The following CEP170 variants were observed in gnomAD, a reference collection of about 807,000 sequenced individuals.
CEP170 encodes the protein centrosomal protein of 170 kDa.
CEP170 carries 21 observed loss-of-function variants against 151.9 expected under a neutral mutation model. That is an observed-to-expected ratio of 0.14 (90% CI 0.10 to 0.20). CEP170 has a LOEUF of 0.20. CEP170 is among the 10% of genes least tolerant of loss of function. The pLI is 1.00. For missense variants in CEP170, 964 were observed against 1,892.9 expected (o/e 0.51, Z 9.11); for synonymous variants, 356 against 648.8 (o/e 0.55, Z 6.86).
At chr1:243,169,522 A>T in intron 12 of CEP170, 106 bp downstream of exon 12, 1 of 1,488,414 alleles carries the variant, frequency 6.7e-7, no homozygotes, top group Non-Finnish European at 9.0e-7. Context: ...TTATAATAAC[A>T]ACTGATATAT....
At position 243,186,042 on chromosome 1, in the gene CEP170, C is replaced by A; in HGVS notation, c.1303G>T (p.Gly435Cys). ...TSSAHHRGGH[G>C]VPHGKLLKQK... ...TTTAACAATTTCCCATGTGGAACACCATGCCCCCCTCTGTGATGCGCAGAG... is the reference window on the plus strand; with the variant it reads ...TTTAACAATTTCCCATGTGGAACACAATGCCCCCCTCTGTGATGCGCAGAG... Residue 435 changes from glycine (G) to cysteine (C), a missense_variant, in exon 10 of 20, where the codon GGT (glycine) becomes TGT (cysteine). Physicochemically the swap from Gly to Cys is radical, Grantham distance 159 (BLOSUM62 -3). Transcript: ENST00000366542. The A allele has an allele frequency of 6.2e-7, 1 of 1,613,724 alleles. No homozygotes were observed. Among genetic ancestry groups the A allele is most frequent in the South Asian group, 1.1e-5 (1 of 91,062 alleles).
intron 1 of CEP170, among the ~76,000 whole-genome samples, chr1:243,233,514 A>G (rs1016394810): frequency 3.9e-5 from 6 of 151,946 alleles, no homozygotes; most frequent in Non-Finnish European, 8.8e-5. Context: ...CGGGCAGATC[A>G]CGAGGTCAGG....
At chr1:243,254,220 A>C (rs1379184751) in intron 1 of CEP170, 1 of 143,964 alleles carries the variant, frequency 6.9e-6, no homozygotes, top group Admixed American at 6.9e-5. Flanking sequence ...ATAAATAAAT[A>C]AAACTCTACG....
intron 19 of CEP170, among the ~76,000 whole-genome samples, chr1:243,127,984 A>T (rs1385066534): frequency 3.9e-5 from 6 of 152,226 alleles, no homozygotes; most frequent in Admixed American, 2.6e-4. Context: ...TACATAAAAA[A>T]TTTCAATTAG....
chr1:243,131,004 T>A (rs555838527), intron 17 of CEP170, among the ~76,000 whole-genome samples: 1 of 152,276 alleles, frequency 6.6e-6, no homozygotes, highest in South Asian at 2.1e-4. Flanking sequence ...ACTTATACAA[T>A]AGAGAAAGAC....
At chr1:243,162,441 G>GT (rs2058140203) in intron 13 of CEP170, among the ~76,000 whole-genome samples, 1 of 152,128 alleles carries the variant, frequency 6.6e-6, no homozygotes, top group Admixed American at 6.5e-5. Context: ...TATACTGCTA[G>GT]TAAGTATGAA....
At chr1:243,159,853 A>T (rs1300073128) in intron 13 of CEP170, among the ~76,000 whole-genome samples, 3 of 145,752 alleles carry the variant, frequency 2.1e-5, no homozygotes, top group Non-Finnish European at 4.5e-5. Context: ...CAATGGCGCC[A>T]TCTTGGCTCA....
chr1:243,161,139 C>T (rs1454179622), intron 13 of CEP170, among the ~76,000 whole-genome samples: 1 of 150,672 alleles, frequency 6.6e-6, no homozygotes, highest in Non-Finnish European at 1.5e-5. Flanking sequence ...CTCTCCTCTA[C>T]TAAAAATACA....
intron 1 of CEP170, among the ~76,000 whole-genome samples, chr1:243,243,557 T>G (rs1202182759): frequency 6.6e-6 from 1 of 151,952 alleles, no homozygotes. Context: ...AGAGTCTTGC[T>G]CTGTTGCCCA....
intron 1 of CEP170, among the ~76,000 whole-genome samples, chr1:243,225,537 G>A (rs1239040835): frequency 6.6e-6 from 1 of 152,154 alleles, no homozygotes; most frequent in Non-Finnish European, 1.5e-5. Flanking sequence ...TAAAAAGGAA[G>A]AGACTAAGGC....
At chr1:243,250,029 C>T (rs1366970071) in intron 1 of CEP170, among the ~76,000 whole-genome samples, 1 of 152,176 alleles carries the variant, frequency 6.6e-6, no homozygotes, top group African/African-American at 2.4e-5. Flanking sequence ...CGAGACTGAG[C>T]CACTGCACTC....
At position 243,238,225 on chromosome 1, in the gene CEP170, C is replaced by T. The variant is rs1012080323; in HGVS notation, c.-41-12904G>A. ...TGAACACTGGGAGGCCGAGGTGGGA[C>T]GATCACTTGAGCCGAGGAATTCAGG... On this transcript the variant is annotated intron_variant, in intron 1 of 19. Transcript: ENST00000366542. Among the ~76,000 whole-genome samples the T allele has an allele frequency of 2.6e-5, 4 of 151,932 alleles. No homozygotes were observed. The South Asian group carries it at 6.2e-4, about 24-fold the overall frequency.
chr1:243,250,374 T>C (rs2065830244), intron 1 of CEP170, among the ~76,000 whole-genome samples: 1 of 152,240 alleles, frequency 6.6e-6, no homozygotes, highest in Non-Finnish European at 1.5e-5. Flanking sequence ...TATAGCTACG[T>C]TCACGGAGAT....
intron 11 of CEP170, 40 bp downstream of exon 11, chr1:243,172,657 A>C (rs758373113): frequency 6.8e-7 from 1 of 1,461,864 alleles, no homozygotes; most frequent in Non-Finnish European, 9.1e-7. Context: ...AAGAATTTAT[A>C]CTTTATGCAT....
At chr1:243,162,758 T>C in intron 13 of CEP170, among the ~76,000 whole-genome samples, 1 of 152,124 alleles carries the variant, frequency 6.6e-6, no homozygotes, top group Non-Finnish European at 1.5e-5. Context: ...CATATCTTAA[T>C]GGAGATGAGG....
intron 10 of CEP170, among the ~76,000 whole-genome samples, chr1:243,178,207 T>C (rs191590585): frequency 6.8e-6 from 1 of 147,864 alleles, no homozygotes; most frequent in Non-Finnish European, 1.5e-5. Flanking sequence ...CAAGTGCTTG[T>C]AGTCCCAGCT....
At chr1:243,184,452 AG>A (rs2059817240) in intron 10 of CEP170, among the ~76,000 whole-genome samples, 1 of 151,316 alleles carries the variant, frequency 6.6e-6, no homozygotes, top group African/African-American at 2.4e-5. Context: ...AAGAAACATC[AG>A]ATGTTTCTTA....
At chr1:243,151,065 T>C (rs2057022640) in intron 14 of CEP170, among the ~76,000 whole-genome samples, 1 of 152,214 alleles carries the variant, frequency 6.6e-6, no homozygotes, top group Non-Finnish European at 1.5e-5. Context: ...CATTCCGTGG[T>C]GATACCATCT....
intron 1 of CEP170, among the ~76,000 whole-genome samples, chr1:243,246,276 G>A (rs2065393436): frequency 7.3e-6 from 1 of 137,366 alleles, no homozygotes; most frequent in Non-Finnish European, 1.5e-5. Flanking sequence ...CTGCCACCCA[G>A]GCTGGAGTGC....
Sources: allele counts gnomAD v4.1 joint callset (sites outside exome capture counted in the v4.1 genomes callset), GRCh38; gene constraint gnomAD v4.1.1; transcripts MANE v1.5; gene names NCBI Gene and HGNC (gene_info 2026-07-23, HGNC 2026-07-21).